ZNF722: variants seen among roughly 807,000 people sequenced by gnomAD.
The protein encoded by ZNF722 is zinc finger protein 479 pseudogene.
At chr7:64,014,995 A>C in the ZNF722 span, 1 of 1,250,628 alleles carries the variant, frequency 8.0e-7, no homozygotes, top group Admixed American at 2.0e-5. Flanking sequence ...GAGTCTAGTA[A>C]GTGGAGTAAC....
At chr7:64,004,421 A>ATATATATATATATAT in the ZNF722 span, among the ~76,000 whole-genome samples, 1 of 69,480 alleles carries the variant, frequency 1.4e-5, no homozygotes, top group African/African-American at 6.6e-5. Context: ...AAAAAAAAAA[A>ATATATATATATATAT]AAAAATATAT....
At chr7:64,012,232 C>T in the ZNF722 span, among the ~76,000 whole-genome samples, 8 of 152,114 alleles carry the variant, frequency 5.3e-5, no homozygotes, top group East Asian at 5.8e-4. Flanking sequence ...TCCTTTAGCT[C>T]GGAGAAGTTT....
At chr7:64,006,398 T>C in the ZNF722 span, 1 of 984,254 alleles carries the variant, frequency 1.0e-6, no homozygotes, top group Non-Finnish European at 1.5e-6. Flanking sequence ...TGAAATGTGG[T>C]CTGGGGAGCT....
At chr7:64,008,732 T>C in the ZNF722 span, among the ~76,000 whole-genome samples, 1 of 152,204 alleles carries the variant, frequency 6.6e-6, no homozygotes, top group African/African-American at 2.4e-5. Flanking sequence ...TGTGGGCTCT[T>C]TTTTGGTTCC....
the ZNF722 span, among the ~76,000 whole-genome samples, chr7:64,000,127 T>TG: frequency 4.8e-4 from 39 of 80,624 alleles, no homozygotes; most frequent in African/African-American, 1.5e-3. Context: ...TACTTTTTTT[T>TG]TTTTTTGTGT....
At chr7:64,013,124 G>A in the ZNF722 span, among the ~76,000 whole-genome samples, 4 of 152,062 alleles carry the variant, frequency 2.6e-5, no homozygotes, top group Non-Finnish European at 5.9e-5. Context: ...GTTATTTTCT[G>A]TAGCATTGCA....
At chr7:64,016,732 T>C in the ZNF722 span, among the ~76,000 whole-genome samples, 2 of 152,146 alleles carry the variant, frequency 1.3e-5, no homozygotes, top group African/African-American at 4.8e-5. Context: ...GTTTCCATCC[T>C]TATTAATTAA....
the ZNF722 span, among the ~76,000 whole-genome samples, chr7:64,005,280 A>G: frequency 4.6e-5 from 7 of 152,138 alleles, no homozygotes; most frequent in African/African-American, 1.7e-4. Flanking sequence ...AGCTTGGGCA[A>G]CAGAGTGAAA....
At chr7:64,001,952 C>T in the ZNF722 span, among the ~76,000 whole-genome samples, 380 of 152,130 alleles carry the variant, frequency 2.5e-3, 1 homozygote, top group African/African-American at 8.4e-3. Context: ...GGCAAAATCT[C>T]GGCTCACTGC....
chr7:64,015,691 C>G, the ZNF722 span: 1 of 1,613,432 alleles, frequency 6.2e-7, no homozygotes, highest in South Asian at 1.1e-5. Context: ...TTTAGCGTAT[C>G]CTCAACCCTC....
At chr7:64,004,425 AATAT>A in the ZNF722 span, among the ~76,000 whole-genome samples, 162 of 61,102 alleles carry the variant, frequency 2.7e-3, 6 homozygotes, top group Middle Eastern at 0.021. Flanking sequence ...AAAAAAAAAA[AATAT>A]ATATATATAT....
the ZNF722 span, among the ~76,000 whole-genome samples, chr7:64,007,241 TA>T: frequency 6.8e-6 from 1 of 147,962 alleles, no homozygotes; most frequent in Admixed American, 6.7e-5. Flanking sequence ...TATATATATA[TA>T]TATATATATA....
chr7:64,012,757 C>T, the ZNF722 span, among the ~76,000 whole-genome samples: 1 of 151,976 alleles, frequency 6.6e-6, no homozygotes, highest in Non-Finnish European at 1.5e-5. Flanking sequence ...GTGTAGATGC[C>T]CTCCAAATCC....
the ZNF722 span, among the ~76,000 whole-genome samples, chr7:64,012,686 C>T: frequency 2.0e-5 from 3 of 152,106 alleles, no homozygotes; most frequent in Non-Finnish European, 4.4e-5. Context: ...ATTGTGTATC[C>T]ACTTGCTTTT....
At chr7:64,008,455 T>C in the ZNF722 span, among the ~76,000 whole-genome samples, 129 of 152,362 alleles carry the variant, frequency 8.5e-4, no homozygotes, top group African/African-American at 2.7e-3. Flanking sequence ...TTCAGCTTTC[T>C]ACATATGGCT....
the ZNF722 span, among the ~76,000 whole-genome samples, chr7:64,001,419 T>C: frequency 6.6e-6 from 1 of 152,226 alleles, no homozygotes; most frequent in African/African-American, 2.4e-5. Context: ...GCAAAGGACA[T>C]GATGTTGTTC....
the ZNF722 span, among the ~76,000 whole-genome samples, chr7:64,000,943 A>AT: frequency 6.6e-6 from 1 of 151,104 alleles, no homozygotes; most frequent in Non-Finnish European, 1.5e-5. Context: ...CATCCAACTA[A>AT]TTTTTTTATT....
At chr7:64,006,325 T>G in the ZNF722 span, 1 of 1,289,800 alleles carries the variant, frequency 7.8e-7, no homozygotes, top group Non-Finnish European at 1.1e-6. Flanking sequence ...CCCAGGTAGG[T>G]GAGAGCGAAT....
chr7:63,999,148 C>A, the ZNF722 span: 1 of 928,782 alleles, frequency 1.1e-6, no homozygotes. Context: ...TTTTAGTCCC[C>A]TCGAACCGTA....
Sources: allele counts gnomAD v4.1 joint callset (sites outside exome capture counted in the v4.1 genomes callset), GRCh38; gene constraint gnomAD v4.1.1; transcripts MANE v1.5; gene names NCBI Gene and HGNC (gene_info 2026-07-23, HGNC 2026-07-21).